Variants in TTI1 observed in about 807,000 individuals in gnomAD.
TTI1 encodes TELO2-interacting protein 1 homolog.
In TTI1, 52 loss-of-function variants were observed where a neutral mutation model predicts 85.4. That is an observed-to-expected ratio of 0.61 (90% CI 0.49 to 0.77). The LOEUF (loss-of-function observed/expected upper bound fraction) is 0.77, where lower values mean the gene tolerates loss of function less well. Among genes scored for constraint, TTI1 ranks in the 30% least tolerant of loss-of-function variants. TTI1 has a pLI of 0.00. For synonymous variants in TTI1, 512 were observed against 503.9 expected (o/e 1.02, Z -0.22); for missense variants, 1,173 against 1,296.0 (o/e 0.91, Z 1.46).
In TTI1 at chr20:38,011,517, A is replaced by G. The variant is rs997493451; in HGVS notation, c.2300T>C (p.Leu767Ser). 2 of 1,613,948 alleles carry G rather than the reference A, an allele frequency of 1.2e-6. No individual in the cohort carries two copies. Among genetic ancestry groups the G allele is most frequent in the South Asian group, 1.1e-5 (1 of 91,070 alleles). The part of the protein sequence containing the change: ...VSVLHALMAA[L>S]AQWFPDTGNL... ...ATTAAAAAGGGCTCTCAATGTACCT[A>G]ATGCTGCCATCAGAGCATGCAGAAC... The change falls in exon 2 of 8, where the codon TTA (leucine) becomes TCA (serine). Residue 767 changes from leucine (L) to serine (S), a missense_variant and splice_region_variant. Coordinates refer to ENST00000373447, the MANE Select transcript of TTI1 (RefSeq NM_001303457.2).
intron 1 of TTI1, among the ~76,000 whole-genome samples, chr20:38,030,538 C>T (rs911362809): frequency 8.6e-5 from 13 of 151,552 alleles, no homozygotes; most frequent in Non-Finnish European, 1.8e-4. Context: ...AACACACACA[C>T]ACACACACAC....
chr20:38,027,320 T>A (rs2073849009), intron 1 of TTI1, among the ~76,000 whole-genome samples: 1 of 152,240 alleles, frequency 6.6e-6, no homozygotes, highest in South Asian at 2.1e-4. Flanking sequence ...AAATGTTATG[T>A]AAACAGTTGT....
intron 2 of TTI1, 47 bp downstream of exon 2, chr20:38,011,468 G>C (rs2073585718): frequency 6.3e-7 from 1 of 1,580,544 alleles, no homozygotes; most frequent in African/African-American, 1.4e-5. Flanking sequence ...CTAGGAGACT[G>C]AGTCCTGTCC....
intron 5 of TTI1, 85 bp from the exon 6 acceptor site, chr20:37,997,038 T>C: frequency 7.0e-7 from 1 of 1,436,952 alleles, no homozygotes; most frequent in East Asian, 2.3e-5. Flanking sequence ...CGATTTCATC[T>C]AGGTCTCTGC....
At chr20:38,017,404 TTGTGTGTGTGTG>T (rs66542554) in intron 1 of TTI1, among the ~76,000 whole-genome samples, 190 of 146,144 alleles carry the variant, frequency 1.3e-3, no homozygotes, top group Non-Finnish European at 6.8e-4. Flanking sequence ...AATCAATAGC[TTGTGTGTGTGTG>T]TGTGTGTGTG....
chr20:38,012,720 C>T lies in TTI1; in HGVS notation c.1097G>A (p.Gly366Asp). The T allele has an allele frequency of 6.2e-7, 1 of 1,614,170 alleles. No individual in the cohort carries two copies. ...RHFADQKVVV[G>D]NKALADILSE... is the part of the protein sequence containing the mutation. The stretch of plus-strand genomic sequence containing the variant: ...CAAGATGTCAGCGAGGGCTTTGTTG[C>T]CCACCACTACTTTTTGATCTGCAAA... Residue 366 changes from glycine (G) to aspartate (D), a missense_variant, in exon 2 of 8, where the codon GGC (glycine) becomes GAC (aspartate). Transcript: ENST00000373447.
intron 1 of TTI1, among the ~76,000 whole-genome samples, chr20:38,015,162 G>GT (rs2073663513): frequency 6.6e-6 from 1 of 152,204 alleles, no homozygotes; most frequent in Non-Finnish European, 1.5e-5. Flanking sequence ...GCCAGCGGGC[G>GT]TGAGCAAGGC....
chr20:37,996,502 C>T (rs780039217), intron 6 of TTI1, 40 bp from the exon 7 acceptor site: 46 of 1,606,662 alleles, frequency 2.9e-5, no homozygotes, highest in Middle Eastern at 1.6e-4. Flanking sequence ...AGCCCTTACA[C>T]TTCATTTGGG....
At chr20:38,005,647 C>T (rs2073485244) in intron 3 of TTI1, among the ~76,000 whole-genome samples, 1 of 152,064 alleles carries the variant, frequency 6.6e-6, no homozygotes, top group African/African-American at 2.4e-5. Context: ...GTGGTGAAAC[C>T]AGTATTCATC....
intron 7 of TTI1, chr20:37,987,378 T>C (rs1250853464): frequency 1.1e-5 from 5 of 456,730 alleles, no homozygotes; most frequent in South Asian, 3.1e-5. Context: ...CCAATACATT[T>C]TGCGATGCGC....
At chr20:38,026,994 A>G (rs973650104) in intron 1 of TTI1, among the ~76,000 whole-genome samples, 14 of 152,248 alleles carry the variant, frequency 9.2e-5, no homozygotes, top group Non-Finnish European at 1.8e-4. Context: ...GGGACCACTA[A>G]AAGGGCTACA....
chr20:37,983,700 A>T (rs1402464222), intron 7 of TTI1, 61 bp from the exon 8 acceptor site: 1 of 1,368,078 alleles, frequency 7.3e-7, no homozygotes, highest in East Asian at 2.8e-5. Flanking sequence ...GGAATGCTAC[A>T]GCCCCAACCA....
At chr20:38,008,132 A>G (rs2073528948) in intron 2 of TTI1, among the ~76,000 whole-genome samples, 1 of 152,226 alleles carries the variant, frequency 6.6e-6, no homozygotes, top group African/African-American at 2.4e-5. Context: ...TTGGTAATAC[A>G]CAGTGTGGGT....
intron 1 of TTI1, chr20:38,019,108 C>T (rs191677145): frequency 1.3e-5 from 2 of 151,196 alleles, no homozygotes; most frequent in East Asian, 1.9e-4. Context: ...TGTGATTGTG[C>T]CACTGTACTC....
intron 7 of TTI1, among the ~76,000 whole-genome samples, chr20:37,993,077 A>T (rs534536727): frequency 6.6e-6 from 1 of 150,560 alleles, no homozygotes; most frequent in Non-Finnish European, 1.5e-5. Context: ...TTATCCATTG[A>T]AGTTACTTAA....
At position 38,011,642 on chromosome 20, in the gene TTI1, G is replaced by A. The variant is rs1324106958; in HGVS notation, c.2175C>T (p.Asn725=). The A allele has an allele frequency of 6.2e-7, 1 of 1,614,252 alleles. No individual in the cohort carries two copies. Among genetic ancestry groups the A allele is most frequent in the Non-Finnish European group, 8.5e-7 (1 of 1,180,044 alleles). Residue 725 remains asparagine (N), a synonymous_variant, in exon 2 of 8, where the codon AAC becomes AAT. Transcript: ENST00000373447. ...CCAAAGGAAGCAGGTTAGCATCTGAGTTCCGCAGCATGACTTCCAGGACCT... is the reference window on the plus strand; with the variant it reads ...CCAAAGGAAGCAGGTTAGCATCTGAATTCCGCAGCATGACTTCCAGGACCT... ...TPKVLEVMLR[N]SDANLLPLVA... is the part of the protein sequence containing the mutation.
chr20:38,012,817 T>G lies in TTI1; in HGVS notation c.1000A>C (p.Lys334Gln). Residue 334 changes from lysine (K) to glutamine (Q), a missense_variant, in exon 2 of 8, where the codon AAG becomes CAG. Physicochemically the swap from Lys to Gln is moderately conservative, Grantham distance 53 (BLOSUM62 1). Coordinates refer to ENST00000373447, the MANE Select transcript of TTI1 (RefSeq NM_001303457.2). ...SLVECAGPLL[K>Q]ALVGLVNDES... ...TCATTTACTAGTCCCACTAAGGCCT[T>G]CAGAAGGGGACCAGCACATTCGACC... The G allele has an allele frequency of 3.1e-6, 5 of 1,614,202 alleles. No individual in the cohort carries two copies. The highest frequency in any genetic ancestry group is 4.2e-6 in the Non-Finnish European group (5 of 1,180,024).
At chr20:38,005,681 A>G (rs927434142) in intron 3 of TTI1, among the ~76,000 whole-genome samples, 3 of 152,188 alleles carry the variant, frequency 2.0e-5, no homozygotes, top group African/African-American at 7.2e-5. Flanking sequence ...GGAAAAGTAT[A>G]AATTGACACA....
At chr20:38,020,594 A>G (rs1023462708) in intron 1 of TTI1, among the ~76,000 whole-genome samples, 6 of 151,888 alleles carry the variant, frequency 4.0e-5, no homozygotes. Context: ...GATACTTGCT[A>G]TATATCTGAC....
Sources: gnomAD v4.1 joint callset for allele counts (sites outside exome capture counted in the v4.1 genomes callset) on GRCh38, gnomAD v4.1.1 for gene constraint, MANE v1.5 for transcripts, NCBI Gene and HGNC (gene_info 2026-07-23, HGNC 2026-07-21) for gene names.